The following ADCYAP1R1 variants were observed in gnomAD, a reference collection of about 807,000 sequenced individuals.
ADCYAP1R1 encodes the protein ADCYAP receptor type I.
Under a neutral mutation model 67.6 loss-of-function variants are expected in ADCYAP1R1, and 44 were observed. The observed-to-expected ratio is 0.65, with a 90% CI of 0.51 to 0.84. The LOEUF (loss-of-function observed/expected upper bound fraction) is 0.84, where lower values mean the gene tolerates loss of function less well. ADCYAP1R1 is among the 40% of genes least tolerant of loss of function. ADCYAP1R1 has a pLI of 0.00. For missense variants in ADCYAP1R1, 477 were observed against 587.9 expected, an observed-to-expected ratio of 0.81 and a Z score of 1.95; for synonymous variants, 222 against 219.6, an observed-to-expected ratio of 1.01 and a Z score of -0.10.
chr7:31,067,245 C>T (rs1584486271), intron 3 of ADCYAP1R1, among the ~76,000 whole-genome samples: 2 of 152,204 alleles, frequency 1.3e-5, no homozygotes, highest in Non-Finnish European at 2.9e-5. Flanking sequence ...TCTATCCCTA[C>T]TCGTCCCCTC....
At chr7:31,099,276 T>G (rs1163968444) in intron 13 of ADCYAP1R1, among the ~76,000 whole-genome samples, 1 of 152,170 alleles carries the variant, frequency 6.6e-6, no homozygotes, top group Non-Finnish European at 1.5e-5. Flanking sequence ...TGAACTTGTA[T>G]CAAGAAGTCC....
At chr7:31,062,318 C>G (rs1042223049) in intron 1 of ADCYAP1R1, among the ~76,000 whole-genome samples, 12 of 152,182 alleles carry the variant, frequency 7.9e-5, no homozygotes, top group Admixed American at 7.2e-4. Flanking sequence ...AGGCCTGCCC[C>G]CTTGGAGCTC....
intron 15 of ADCYAP1R1, among the ~76,000 whole-genome samples, chr7:31,105,163 G>C (rs1045251828): frequency 2.0e-5 from 3 of 152,260 alleles, no homozygotes; most frequent in African/African-American, 7.2e-5. Flanking sequence ...AAAGAGCAAA[G>C]CTCCTGGTAA....
intron 13 of ADCYAP1R1, among the ~76,000 whole-genome samples, chr7:31,093,120 T>C (rs1165851758): frequency 1.3e-5 from 2 of 152,198 alleles, no homozygotes; most frequent in African/African-American, 4.8e-5. Flanking sequence ...GAATACATTG[T>C]TGCCTGATAT....
At chr7:31,079,562 A>G (rs1795427487) in intron 4 of ADCYAP1R1, among the ~76,000 whole-genome samples, 1 of 152,218 alleles carries the variant, frequency 6.6e-6, no homozygotes, top group Non-Finnish European at 1.5e-5. Flanking sequence ...CTGAGAGGCA[A>G]AAGGCAAATT....
rs1025772299 is a variant in ADCYAP1R1 at position 31,108,842 on chromosome 7, C to T, written c.*2158C>T. ...CTTGGAAATGGACCTTCTGTCCCTT[C>T]CATTTGGACACCACAGTGGAAGCTG... On this transcript the variant is annotated 3_prime_UTR_variant, in exon 16 of 16. Coordinates refer to ENST00000304166, the MANE Select transcript of ADCYAP1R1 (RefSeq NM_001118.5). The T allele has an allele frequency of 6.6e-6, 1 of 151,908 alleles. No individual in the cohort carries two copies. The highest frequency in any genetic ancestry group is 2.4e-5 in the African/African-American group (1 of 41,268). The allele number at this position is 151,908 out of a possible 1,614,324, so 9.4% of individuals were successfully genotyped here. A position where few individuals can be genotyped will look rare whatever the true frequency, so the allele number is the denominator to read the frequency against.
At chr7:31,088,738 CA>C (rs1562648116) in intron 12 of ADCYAP1R1, among the ~76,000 whole-genome samples, 1 of 152,156 alleles carries the variant, frequency 6.6e-6, no homozygotes, top group Non-Finnish European at 1.5e-5. Context: ...ATTCCCATGG[CA>C]GATGCACCAT....
At chr7:31,075,897 A>G (rs1448437597) in intron 3 of ADCYAP1R1, among the ~76,000 whole-genome samples, 1 of 152,176 alleles carries the variant, frequency 6.6e-6, no homozygotes, top group Non-Finnish European at 1.5e-5. Flanking sequence ...GTTTCAAGGT[A>G]AAACCAGCAA....
chr7:31,079,374 C>T (rs550273641), intron 4 of ADCYAP1R1, among the ~76,000 whole-genome samples: 105 of 152,342 alleles, frequency 6.9e-4, no homozygotes, highest in Non-Finnish European at 1.2e-3. Flanking sequence ...TCCTGGCCAT[C>T]AAGCCATGGG....
Position 31,103,224 on chromosome 7 carries a change from T to C in ADCYAP1R1, c.1047-13T>C, listed in dbSNP as rs748958743. The C allele has an allele frequency of 6.2e-6, 10 of 1,613,568 alleles. No individual in the cohort carries two copies. Among genetic ancestry groups the C allele is most frequent in the Non-Finnish European group, 7.6e-6 (9 of 1,179,656 alleles). On this transcript the variant is annotated splice_polypyrimidine_tract_variant and intron_variant, in intron 13 of 15. Coordinates refer to ENST00000304166, the MANE Select transcript of ADCYAP1R1 (RefSeq NM_001118.5). The stretch of plus-strand genomic sequence containing the variant: ...GAAGTCCCCAGAGCAGATGTTTTGC[T>C]TTCCTCCGACAGGCGACTGGCCCGG...
At chr7:31,091,797 A>T (rs375741966) in intron 12 of ADCYAP1R1, among the ~76,000 whole-genome samples, 8 of 152,054 alleles carry the variant, frequency 5.3e-5, no homozygotes, top group Admixed American at 5.2e-4. Context: ...ATCTGTAAAA[A>T]CCAACAAACA....
intron 1 of ADCYAP1R1, among the ~76,000 whole-genome samples, chr7:31,056,317 A>G (rs1794239881): frequency 6.6e-6 from 1 of 152,100 alleles, no homozygotes; most frequent in Non-Finnish European, 1.5e-5. Context: ...CGCAGACTCC[A>G]TGCATTGCCT....
intron 13 of ADCYAP1R1, among the ~76,000 whole-genome samples, chr7:31,097,612 G>C (rs1175586575): frequency 6.6e-6 from 1 of 152,056 alleles, no homozygotes; most frequent in African/African-American, 2.4e-5. Flanking sequence ...GTTTCCCAGT[G>C]AACTTGTCAC....
intron 4 of ADCYAP1R1, 32 bp from the exon 5 acceptor site, chr7:31,080,581 C>A (rs772639277): frequency 3.7e-6 from 6 of 1,610,928 alleles, no homozygotes; most frequent in Non-Finnish European, 5.1e-6. Context: ...TCACCTCTGA[C>A]TTTTCTCTCT....
intron 3 of ADCYAP1R1, among the ~76,000 whole-genome samples, chr7:31,076,670 A>AG (rs1332043323): frequency 6.6e-6 from 1 of 152,156 alleles, no homozygotes; most frequent in Non-Finnish European, 1.5e-5. Context: ...TGGCGCGTGC[A>AG]GGCTTCTGCC....
intron 9 of ADCYAP1R1, among the ~76,000 whole-genome samples, chr7:31,085,924 T>TA (rs1344896736): frequency 6.6e-6 from 1 of 152,136 alleles, no homozygotes; most frequent in East Asian, 1.9e-4. Flanking sequence ...AAGAAGAGTG[T>TA]AAAGTCCAGG....
chr7:31,058,145 G>T (rs1289458363), intron 1 of ADCYAP1R1, among the ~76,000 whole-genome samples: 2 of 152,354 alleles, frequency 1.3e-5, no homozygotes, highest in East Asian at 3.9e-4. Context: ...CCAGACGCTG[G>T]AGTGGGGCAA....
In ADCYAP1R1 at chr7:31,110,093, C is replaced by T. The variant is rs1796800143; in HGVS notation, c.*3409C>T. On this transcript the variant is annotated 3_prime_UTR_variant, in exon 16 of 16. Transcript: ENST00000304166. ...CCACTCACCTCTCTCATCTGATCCT[C>T]ACTCTTTGTGGAAGGGAAAGCTCAA... 6.6e-6 allele frequency: 1 copy of T among 151,506 alleles called. No individual in the cohort carries two copies. 9.4% of individuals were successfully genotyped at this position (151,506 alleles called of 1,614,324 possible). A position where few individuals can be genotyped will look rare whatever the true frequency, so the allele number is the denominator to read the frequency against.
chr7:31,064,023 C>T (rs776706639), intron 2 of ADCYAP1R1, among the ~76,000 whole-genome samples: 32 of 152,316 alleles, frequency 2.1e-4, no homozygotes, highest in East Asian at 7.7e-4. Flanking sequence ...GTTAAAGGGA[C>T]GGCATTTGGC....
Sources: gnomAD v4.1 joint callset for allele counts (sites outside exome capture counted in the v4.1 genomes callset) on GRCh38, gnomAD v4.1.1 for gene constraint, MANE v1.5 for transcripts, NCBI Gene and HGNC (gene_info 2026-07-23, HGNC 2026-07-21) for gene names.